SLC2A13: variants seen among roughly 807,000 people sequenced by gnomAD.
SLC2A13 encodes proton myo-inositol cotransporter.
Under a neutral mutation model 64.4 loss-of-function variants are expected in SLC2A13, and 32 were observed. The ratio of observed to expected loss-of-function variants is 0.50; its 90% CI spans 0.37 to 0.67. The LOEUF (loss-of-function observed/expected upper bound fraction) is 0.67. Ranked by LOEUF, SLC2A13 falls within the 30% of genes least tolerant of loss-of-function variation. The pLI, the probability that SLC2A13 is intolerant of heterozygous loss-of-function variation, is 0.00. For missense variants in SLC2A13, 743 were observed against 829.2 expected (o/e 0.90, Z 1.28); for synonymous variants, 338 against 327.1 (o/e 1.03, Z -0.36).
intron 4 of SLC2A13, among the ~76,000 whole-genome samples, chr12:39,947,786 G>A (rs1288978780): frequency 2.0e-5 from 3 of 150,012 alleles, no homozygotes; most frequent in African/African-American, 2.5e-5. Context: ...TCAGCCTCCC[G>A]AGTAGCTGGG....
intron 3 of SLC2A13, among the ~76,000 whole-genome samples, chr12:39,954,803 A>C (rs1431525124): frequency 6.6e-6 from 1 of 152,238 alleles, no homozygotes; most frequent in Admixed American, 6.5e-5. Context: ...ATTCATCAAG[A>C]GAATATAACA....
chr12:39,932,512 A>G (rs1312551494), intron 4 of SLC2A13, among the ~76,000 whole-genome samples: 1 of 152,226 alleles, frequency 6.6e-6, no homozygotes, highest in Non-Finnish European at 1.5e-5. Context: ...TTGAGTGCCT[A>G]CTGTGTGCTG....
chr12:39,978,664 A>G (rs1466746474), intron 3 of SLC2A13, among the ~76,000 whole-genome samples: 1 of 152,092 alleles, frequency 6.6e-6, no homozygotes, highest in Non-Finnish European at 1.5e-5. Flanking sequence ...CCTGGCTCGG[A>G]GGGTCCTACG....
chr12:40,066,995 C>G (rs1196608380), intron 1 of SLC2A13, among the ~76,000 whole-genome samples: 1 of 152,030 alleles, frequency 6.6e-6, no homozygotes, highest in African/African-American at 2.4e-5. Context: ...GGCATATAGA[C>G]AGAACATGTT....
chr12:40,023,193 T>A (rs1393065106), intron 3 of SLC2A13, among the ~76,000 whole-genome samples: 1 of 152,226 alleles, frequency 6.6e-6, no homozygotes, highest in African/African-American at 2.4e-5. Context: ...TTGTTGTTCA[T>A]GCTTTTGTTG....
chr12:39,898,960 T>C (rs145297994), intron 4 of SLC2A13, among the ~76,000 whole-genome samples: 7,020 of 152,290 alleles, frequency 0.046, 293 homozygotes, highest in Admixed American at 0.13. Flanking sequence ...GTTGTGTCTC[T>C]GCCTGGCTTT....
chr12:39,836,144 A>G (rs1942997010), intron 6 of SLC2A13, among the ~76,000 whole-genome samples: 1 of 152,138 alleles, frequency 6.6e-6, no homozygotes, highest in Non-Finnish European at 1.5e-5. Flanking sequence ...TACAATATTT[A>G]GAGAGTTTGT....
chr12:39,797,786 G>A (rs1482690252), intron 7 of SLC2A13, among the ~76,000 whole-genome samples: 1 of 148,082 alleles, frequency 6.8e-6, no homozygotes, highest in African/African-American at 2.5e-5. Context: ...ATACACGGAT[G>A]CATACTGAAA....
At chr12:39,892,281 T>C (rs1325292489) in intron 4 of SLC2A13, among the ~76,000 whole-genome samples, 1 of 152,218 alleles carries the variant, frequency 6.6e-6, no homozygotes, top group Admixed American at 6.5e-5. Flanking sequence ...AGGCCACCTT[T>C]CCTCACCCTT....
intron 4 of SLC2A13, among the ~76,000 whole-genome samples, chr12:39,918,400 TGAAGAACTGCTTCAGGCAAGA>T (rs1457462110): frequency 2.0e-5 from 3 of 151,144 alleles, no homozygotes; most frequent in Admixed American, 2.0e-4. Flanking sequence ...AGAGTCTTTA[TGAAGAACTGCTTCAGGCAAGA>T]GATCCAGGGA....
chr12:40,079,014 T>A (rs904783085), intron 1 of SLC2A13, among the ~76,000 whole-genome samples: 5 of 152,162 alleles, frequency 3.3e-5, no homozygotes, highest in African/African-American at 1.2e-4. Flanking sequence ...TTTATTAGGA[T>A]CTTTTTTCTT....
chr12:39,986,787 C>T (rs1947039857), intron 3 of SLC2A13, among the ~76,000 whole-genome samples: 1 of 151,796 alleles, frequency 6.6e-6, no homozygotes, highest in South Asian at 2.1e-4. Flanking sequence ...GAGAACAAAT[C>T]TCAGGCATAT....
chr12:39,801,254 A>G (rs1351436210), intron 7 of SLC2A13, among the ~76,000 whole-genome samples: 1 of 147,490 alleles, frequency 6.8e-6, no homozygotes, highest in Non-Finnish European at 1.5e-5. Flanking sequence ...AATTAAAAAA[A>G]AAATCATTTA....
At chr12:40,097,616 A>G (rs1208172608) in intron 1 of SLC2A13, among the ~76,000 whole-genome samples, 1 of 152,230 alleles carries the variant, frequency 6.6e-6, no homozygotes, top group Non-Finnish European at 1.5e-5. Flanking sequence ...AGTGGCCAAC[A>G]AGCCTATGAA....
At chr12:39,765,368 G>T (rs543792740) in intron 7 of SLC2A13, among the ~76,000 whole-genome samples, 3 of 151,962 alleles carry the variant, frequency 2.0e-5, no homozygotes, top group African/African-American at 7.3e-5. Context: ...TTTCTGCTCC[G>T]TGTCCTTGCT....
At chr12:39,816,903 T>C (rs1260312034) in intron 7 of SLC2A13, among the ~76,000 whole-genome samples, 1 of 152,244 alleles carries the variant, frequency 6.6e-6, no homozygotes. Flanking sequence ...GAAAAGCAGA[T>C]ATTTTTAGCT....
chr12:39,985,844 T>C (rs1042482901), intron 3 of SLC2A13, among the ~76,000 whole-genome samples: 2 of 152,082 alleles, frequency 1.3e-5, no homozygotes, highest in African/African-American at 4.8e-5. Context: ...CCTCCTTCAA[T>C]AAGTCATGAT....
chr12:40,056,410 G>A (rs934739471), intron 1 of SLC2A13, among the ~76,000 whole-genome samples: 1 of 152,146 alleles, frequency 6.6e-6, no homozygotes, highest in African/African-American at 2.4e-5. Context: ...ATAGATTTAA[G>A]AGGTTATAAA....
intron 3 of SLC2A13, among the ~76,000 whole-genome samples, chr12:39,987,900 TAATATAGTAAAACATTAAAATAA>T (rs900507407): frequency 1.3e-5 from 2 of 152,142 alleles, no homozygotes; most frequent in African/African-American, 2.4e-5. Context: ...AAGTACTGTT[TAATATAGTAAAACATTAAAATAA>T]AGGCACACAA....
Sources: gnomAD v4.1 joint callset for allele counts (sites outside exome capture counted in the v4.1 genomes callset) on GRCh38, gnomAD v4.1.1 for gene constraint, MANE v1.5 for transcripts, NCBI Gene and HGNC (gene_info 2026-07-23, HGNC 2026-07-21) for gene names.